The following ATP10B variants were observed in gnomAD, a reference collection of about 807,000 sequenced individuals.
ATP10B encodes the protein ATPase phospholipid transporting 10B (putative).
In ATP10B, 122 loss-of-function variants were observed where a neutral mutation model predicts 141.2. That is an observed-to-expected ratio of 0.86 (90% CI 0.75 to 1.00). ATP10B has a LOEUF of 1.00. Among genes scored for constraint, ATP10B ranks in the 50% least tolerant of loss-of-function variants. ATP10B has a pLI of 0.00. For synonymous variants in ATP10B, 685 were observed against 692.0 expected, an observed-to-expected ratio of 0.99 and a Z score of 0.16; for missense variants, 1,876 against 1,825.3, an observed-to-expected ratio of 1.03 and a Z score of -0.51.
intron 13 of ATP10B, 129 bp downstream of exon 13, chr5:160,632,000 T>A: frequency 1.3e-6 from 1 of 773,878 alleles, no homozygotes; most frequent in Non-Finnish European, 2.1e-6. Context: ...GTGGAGTATG[T>A]ACAAAACCAA....
chr5:160,652,690 TATAA>T (rs1454106445), intron 7 of ATP10B, among the ~76,000 whole-genome samples: 16 of 129,890 alleles, frequency 1.2e-4, no homozygotes, highest in African/African-American at 3.8e-4. Flanking sequence ...AATACATATG[TATAA>T]ATAATATATA....
intron 24 of ATP10B, among the ~76,000 whole-genome samples, chr5:160,572,658 A>G (rs1348115182): frequency 1.3e-5 from 2 of 152,234 alleles, no homozygotes; most frequent in Non-Finnish European, 2.9e-5. Flanking sequence ...CTGATTAAAA[A>G]TCTTTCAGGA....
rs184342288 is a variant in ATP10B at position 160,728,954 on chromosome 5, T to C, written c.-330-11920A>G. 4.6e-5 allele frequency among the ~76,000 whole-genome samples: 7 copies of C among 152,118 alleles called. No homozygotes were observed. In the East Asian group the frequency reaches 1.2e-3, roughly 25 times the overall value. On this transcript the variant is annotated intron_variant, in intron 2 of 25. Coordinates refer to ENST00000327245, the MANE Select transcript of ATP10B (RefSeq NM_025153.3). ...AAAATCAAGCAAGGCCTGGGAATGG[T>C]GGTTTGTTGCTAACAAGGGGAGGGT... is the stretch of plus-strand genomic sequence containing the variant.
intron 1 of ATP10B, among the ~76,000 whole-genome samples, chr5:160,843,305 A>C (rs1279522704): frequency 6.6e-6 from 1 of 152,168 alleles, no homozygotes; most frequent in Non-Finnish European, 1.5e-5. Flanking sequence ...GTTTCAGTTT[A>C]GTGAAATATT....
At chr5:160,874,578 A>C in the ATP10B span, among the ~76,000 whole-genome samples, 1 of 152,158 alleles carries the variant, frequency 6.6e-6, no homozygotes, top group South Asian at 2.1e-4. Context: ...AGATGATCAA[A>C]TTACTCTGAG....
intron 7 of ATP10B, among the ~76,000 whole-genome samples, chr5:160,669,925 A>AAAAAAAAAAAAAAAAAAAAAAAAAAT (rs1265071984): frequency 6.6e-6 from 1 of 151,004 alleles, no homozygotes; most frequent in Non-Finnish European, 1.5e-5. Flanking sequence ...TCTTAAAAAA[A>AAAAAAAAAAAAAAAAAAAAAAAAAAT]AAAAGATATC....
chr5:160,898,771 TAAAG>T, the ATP10B span, among the ~76,000 whole-genome samples: 11 of 151,956 alleles, frequency 7.2e-5, no homozygotes, highest in Admixed American at 4.6e-4. Context: ...ACAGACCAGA[TAAAG>T]AAAATGTGGC....
chr5:160,785,492 G>A (rs776834690), intron 2 of ATP10B, 67 bp downstream of exon 2: 8 of 434,064 alleles, frequency 1.8e-5, no homozygotes, highest in Non-Finnish European at 2.7e-5. Flanking sequence ...TTATTTCATG[G>A]GTATACTGAG....
chr5:160,795,036 G>A (rs4552669), intron 1 of ATP10B, among the ~76,000 whole-genome samples: 68,655 of 151,954 alleles, frequency 0.45, 15,647 homozygotes, highest in East Asian at 0.6. Context: ...TGAATAAGTG[G>A]AAGAATGTGT....
At chr5:160,789,512 TAGATA>T (rs1771414942) in intron 1 of ATP10B, among the ~76,000 whole-genome samples, 1 of 152,178 alleles carries the variant, frequency 6.6e-6, no homozygotes, top group African/African-American at 2.4e-5. Flanking sequence ...AATAAAAACA[TAGATA>T]AGGTACAATA....
intron 1 of ATP10B, among the ~76,000 whole-genome samples, chr5:160,814,555 C>T (rs1467335747): frequency 6.8e-6 from 1 of 147,094 alleles, no homozygotes; most frequent in Non-Finnish European, 1.5e-5. Flanking sequence ...AGTAGGAAAA[C>T]CCTCTGCAGG....
intron 7 of ATP10B, among the ~76,000 whole-genome samples, chr5:160,661,857 T>G (rs886730192): frequency 6.6e-6 from 1 of 152,256 alleles, no homozygotes; most frequent in East Asian, 1.9e-4. Flanking sequence ...GAAGTCAAAT[T>G]GTCCCTGTTT....
the ATP10B span, among the ~76,000 whole-genome samples, chr5:160,861,237 G>A: frequency 6.6e-6 from 1 of 151,724 alleles, no homozygotes; most frequent in African/African-American, 2.4e-5. Flanking sequence ...GAATAGTAAG[G>A]AAGAAATTGA....
the ATP10B span, among the ~76,000 whole-genome samples, chr5:160,885,741 A>C: frequency 2.0e-5 from 3 of 152,246 alleles, no homozygotes; most frequent in Non-Finnish European, 4.4e-5. Context: ...AGTTGTTTTC[A>C]TCCTAGTTGA....
chr5:160,917,315 G>A, the ATP10B span, among the ~76,000 whole-genome samples: 9 of 142,694 alleles, frequency 6.3e-5, no homozygotes, highest in Non-Finnish European at 1.2e-4. Context: ...CTGTAACCAG[G>A]CCACCACTCA....
At chr5:160,640,696 T>A (rs1170909851) in intron 9 of ATP10B, 104 bp from the exon 10 acceptor site, 2 of 1,440,928 alleles carry the variant, frequency 1.4e-6, no homozygotes, top group Non-Finnish European at 1.9e-6. Context: ...AAGAGAGGCT[T>A]CACTCTTTAA....
chr5:160,616,288 T>C lies in ATP10B; in HGVS notation c.2527-324A>G, dbSNP rs564645467. ...AATTTAAAATAGTTATTTCAGGGAA[T>C]GCTAGGTAGTAAATGAGTGATATGA... is the stretch of plus-strand genomic sequence containing the variant. On this transcript the variant is annotated intron_variant, in intron 16 of 25. Coordinates refer to ENST00000327245, the MANE Select transcript of ATP10B (RefSeq NM_025153.3). Among the ~76,000 whole-genome samples the C allele has an allele frequency of 1.8e-4, 27 of 152,248 alleles. 1 individual carries two copies. The highest frequency in any genetic ancestry group is 5.2e-4 in the Admixed American group (8 of 15,300).
chr5:160,686,367 A>T, intron 5 of ATP10B, 94 bp from the exon 6 acceptor site: 2 of 924,608 alleles, frequency 2.2e-6, no homozygotes, highest in Non-Finnish European at 3.1e-6. Context: ...TTGATCAATT[A>T]AACCTTCTCT....
In ATP10B at chr5:160,569,553, G is replaced by A. The variant is rs1369907229; in HGVS notation, c.3881C>T (p.Ser1294Leu). 5.6e-6 allele frequency: 9 copies of A among 1,613,998 alleles called. No individual in the cohort carries two copies. The highest frequency in any genetic ancestry group is 7.6e-6 in the Non-Finnish European group (9 of 1,179,912). Residue 1294 changes from serine (S) to leucine (L), a missense_variant, in exon 25 of 26, where the codon TCA becomes TTA. Ser to Leu is a moderately radical substitution (Grantham distance 145, BLOSUM62 -2). Coordinates refer to ENST00000327245, the MANE Select transcript of ATP10B (RefSeq NM_025153.3). Reference protein sequence around the residue: ...NPYWVMEGQLSNPTFYLVCFL... With the variant: ...NPYWVMEGQLLNPTFYLVCFL... ...GCAGACGAGGTAGAAAGTGGGGTTTGAGAGCTGGCCTTCCATCACCCAATA... is the reference window on the plus strand; with the variant it reads ...GCAGACGAGGTAGAAAGTGGGGTTTAAGAGCTGGCCTTCCATCACCCAATA...
Sources: allele counts gnomAD v4.1 joint callset (sites outside exome capture counted in the v4.1 genomes callset), GRCh38; gene constraint gnomAD v4.1.1; transcripts MANE v1.5; gene names NCBI Gene and HGNC (gene_info 2026-07-23, HGNC 2026-07-21).